Variants in PLGLB1 observed in about 807,000 individuals in gnomAD.
PLGLB1 encodes plasminogen like B1, also known as plasminogen-like protein B.
intron 1 of PLGLB1, chr2:87,018,362 G>A (rs1423132405): frequency 1.5e-5 from 1 of 64,544 alleles, no homozygotes; most frequent in Non-Finnish European, 2.8e-5. Context: ...TACAATATGC[G>A]CTTTGGTTCT....
chr2:87,013,443 A>G (rs1682271037), intron 3 of PLGLB1: 1 of 157,454 alleles, frequency 6.4e-6, no homozygotes, highest in Non-Finnish European at 1.2e-5. Context: ...GTTACAGGAA[A>G]TATTCAAGTA....
In PLGLB1 at chr2:87,011,027, T is replaced by C. The variant is rs1194439903; in HGVS notation, c.*2094A>G. On this transcript the variant is annotated 3_prime_UTR_variant, in exon 4 of 4. Transcript: ENST00000355705. ...CTGTGGGAAGGGGCTTTACAACAAA[T>C]TATTTTACAGGTGAAGGGCAGAAAT... 9.4e-6 allele frequency: 2 copies of C among 211,672 alleles called. 1 individual carries two copies. The highest frequency in any genetic ancestry group is 1.6e-5 in the Non-Finnish European group (2 of 124,576). 13.1% of individuals were successfully genotyped at this position (211,672 alleles called of 1,614,324 possible).
chr2:87,017,271 ACTG>A (rs1407885877), intron 2 of PLGLB1, among the ~76,000 whole-genome samples: 2 of 91,440 alleles, frequency 2.2e-5, no homozygotes, highest in Non-Finnish European at 4.8e-5. Flanking sequence ...ACAAACATTT[ACTG>A]ATGATGATGT....
chr2:87,017,098 G>T (rs544291030), intron 2 of PLGLB1, among the ~76,000 whole-genome samples: 31 of 144,924 alleles, frequency 2.1e-4, no homozygotes, highest in African/African-American at 7.7e-4. Context: ...TTCTGGATCT[G>T]GGTAGAACAT....
chr2:87,011,433 CAGAG>C lies in PLGLB1; in HGVS notation c.*1684_*1687del, dbSNP rs1231258345. On this transcript the variant is annotated 3_prime_UTR_variant, in exon 4 of 4. Transcript: ENST00000355705. ...GCTACTGTGACAGCCAAGTCTTAGACAGAGAGCCAAAATATTTTTATTGCACAGT... is the reference window on the plus strand; with the variant it reads ...GCTACTGTGACAGCCAAGTCTTAGACAGCCAAAATATTTTTATTGCACAGT... Among the ~76,000 whole-genome samples the C allele has an allele frequency of 8.4e-5, 2 of 23,816 alleles. 1 individual carries two copies. The highest frequency in any genetic ancestry group is 1.5e-4 in the Non-Finnish European group (2 of 13,296). The allele number at this position is 23,816 out of a possible 152,430, so 15.6% of individuals were successfully genotyped here.
At chr2:87,019,363 G>A (rs1419350399) in intron 1 of PLGLB1, among the ~76,000 whole-genome samples, 868 of 117,154 alleles carry the variant, frequency 7.4e-3, no homozygotes, top group African/African-American at 0.015. Flanking sequence ...AAGACATTCC[G>A]GGCTGGAAAA....
rs771055052 is a variant in PLGLB1, at chr2:87,011,709, T to TAAAACAAAAC, written c.*1402_*1411dup. The stretch of plus-strand genomic sequence containing the variant: ...CAGATGAGAAGACTGAGTGGCAACG[T>TAAAACAAAAC]AAAACAAAACAAAACAAAACTTGCC... On this transcript the variant is annotated 3_prime_UTR_variant, in exon 4 of 4. Transcript: ENST00000355705. 1.0e-4 allele frequency among the ~76,000 whole-genome samples: 11 copies of TAAAACAAAAC among 106,888 alleles called. 3 individuals carry two copies. Among genetic ancestry groups the TAAAACAAAAC allele is most frequent in the Non-Finnish European group, 1.8e-4 (9 of 49,332 alleles). 70.1% of individuals were successfully genotyped at this position (106,888 alleles called of 152,430 possible).
At position 87,011,641 on chromosome 2, in the gene PLGLB1, AT is replaced by A. The variant is rs1473240245; in HGVS notation, c.*1479del. 6.1e-5 allele frequency among the ~76,000 whole-genome samples: 3 copies of A among 49,530 alleles called. 1 individual carries two copies. The highest frequency in any genetic ancestry group is 1.2e-4 in the Non-Finnish European group (3 of 24,990). 32.5% of individuals were successfully genotyped at this position (49,530 alleles called of 152,430 possible). On this transcript the variant is annotated 3_prime_UTR_variant, in exon 4 of 4. Transcript: ENST00000355705. ...CCACACATTCTCTCTTTTAGTCCTA[AT>A]AAAAAAAACCATTTGAGGAAGGTGT...
At chr2:87,013,617 A>G (rs1449251098) in intron 3 of PLGLB1, 1 of 22,248 alleles carries the variant, frequency 4.5e-5, no homozygotes, top group Non-Finnish European at 7.3e-5. Context: ...TCCCAGTGAT[A>G]TGAAAAAGTG....
chr2:87,019,741 T>C lies in PLGLB1; in HGVS notation c.49+1994A>G, dbSNP rs181078395. 2.0e-5 allele frequency among the ~76,000 whole-genome samples: 2 copies of C among 101,420 alleles called. 1 individual carries two copies. The highest frequency in any genetic ancestry group is 7.4e-4 in the East Asian group (2 of 2,712). 66.5% of individuals were successfully genotyped at this position (101,420 alleles called of 152,430 possible). A position where few individuals can be genotyped will look rare whatever the true frequency, so the allele number is the denominator to read the frequency against. On this transcript the variant is annotated intron_variant, in intron 1 of 3. Coordinates refer to ENST00000355705, the MANE Select transcript of PLGLB1 (RefSeq NM_001032392.4). Reference sequence around the variant, plus strand: ...AGTTCTCTGTGTCATGTTATTATACTTCATAGCACATCGCTGCTGAGATCC... The same window carrying C: ...AGTTCTCTGTGTCATGTTATTATACCTCATAGCACATCGCTGCTGAGATCC...
At position 87,013,415 on chromosome 2, in the gene PLGLB1, G is replaced by C. The variant is rs371201886; in HGVS notation, c.*2-296C>G. ...TGGCCATCATAGAGCTCACATTCTA[G>C]TGGAATCAGACAGGGGGGTTACAGG... On this transcript the variant is annotated intron_variant, in intron 3 of 3. Coordinates refer to ENST00000355705, the MANE Select transcript of PLGLB1 (RefSeq NM_001032392.4). The C allele has an allele frequency of 5.7e-5, 8 of 140,094 alleles. No individual in the cohort carries two copies. The East Asian group carries it at 8.8e-4, about 15-fold the overall frequency. The allele number at this position is 140,094 out of a possible 1,614,324, so 8.7% of individuals were successfully genotyped here. A position where few individuals can be genotyped will look rare whatever the true frequency, so the allele number is the denominator to read the frequency against.
chr2:87,019,704 C>T (rs1452455087), intron 1 of PLGLB1, among the ~76,000 whole-genome samples: 1 of 99,974 alleles, frequency 1.0e-5, no homozygotes, highest in Non-Finnish European at 1.9e-5. Context: ...CATTTATTTC[C>T]CCCTTCAATT....
rs1324395893 is a variant in PLGLB1 at position 87,021,042 on chromosome 2, G to A, written c.49+693C>T. On this transcript the variant is annotated intron_variant, in intron 1 of 3. Coordinates refer to ENST00000355705, the MANE Select transcript of PLGLB1 (RefSeq NM_001032392.4). ...GAATATGCTACCCTACCTATACCGC[G>A]AGCTAAATAAGCTAGTATTTGTAAA... 3.3e-5 allele frequency among the ~76,000 whole-genome samples: 5 copies of A among 150,680 alleles called. No individual in the cohort carries two copies. The South Asian group carries it at 8.4e-4, about 25-fold the overall frequency.
intron 3 of PLGLB1, chr2:87,013,380 G>A (rs1328024595): frequency 3.7e-5 from 5 of 133,430 alleles, no homozygotes; most frequent in Non-Finnish European, 6.8e-5. Context: ...GCACAGTGCA[G>A]CCAGAGGCTT....
At chr2:87,019,064 C>T (rs3789056) in intron 1 of PLGLB1, among the ~76,000 whole-genome samples, 4 of 108,784 alleles carry the variant, frequency 3.7e-5, no homozygotes, top group African/African-American at 1.4e-4. Context: ...GCAGTGGAGG[C>T]GGCAGCGGGA....
intron 1 of PLGLB1, among the ~76,000 whole-genome samples, chr2:87,020,638 CG>C (rs1558821712): frequency 9.7e-6 from 1 of 103,268 alleles, no homozygotes; most frequent in African/African-American, 5.1e-5. Context: ...AGCTGCAGAT[CG>C]GGGGTAACAG....
Position 87,019,869 on chromosome 2 carries a change from C to T in PLGLB1, c.49+1866G>A, listed in dbSNP as rs1258835140. Among the ~76,000 whole-genome samples the T allele has an allele frequency of 2.5e-5, 2 of 80,766 alleles. 1 individual carries two copies. The highest frequency in any genetic ancestry group is 2.1e-4 in the Admixed American group (2 of 9,540). 53.0% of individuals were successfully genotyped at this position (80,766 alleles called of 152,430 possible). ...CCCATTTTTTTTTTCTCTTATTCAC[C>T]TCTAGGACTCATATGGCAATAGGAT... On this transcript the variant is annotated intron_variant, in intron 1 of 3. Coordinates refer to ENST00000355705, the MANE Select transcript of PLGLB1 (RefSeq NM_001032392.4).
intron 1 of PLGLB1, among the ~76,000 whole-genome samples, chr2:87,021,144 AAGTG>A (rs1172915601): frequency 5.6e-5 from 6 of 106,900 alleles, no homozygotes; most frequent in Admixed American, 5.3e-4. Context: ...CCCAAGCACT[AAGTG>A]AGTATTTGTT....
At position 87,010,978 on chromosome 2, in the gene PLGLB1, G is replaced by A. The variant is rs1573657872; in HGVS notation, c.*2143C>T. On this transcript the variant is annotated 3_prime_UTR_variant, in exon 4 of 4. Transcript: ENST00000355705. ...TTGCTCCTTTCCGAGAGGTGAACACGTTACGCAATTATTAATAATATCCCT... is the reference window on the plus strand; with the variant it reads ...TTGCTCCTTTCCGAGAGGTGAACACATTACGCAATTATTAATAATATCCCT... Among the ~76,000 whole-genome samples the A allele has an allele frequency of 1.2e-5, 1 of 84,564 alleles. No individual in the cohort carries two copies. The highest frequency in any genetic ancestry group is 7.0e-5 in the African/African-American group (1 of 14,338). 55.5% of individuals were successfully genotyped at this position (84,564 alleles called of 152,430 possible).
Sources: gnomAD v4.1 joint callset for allele counts (sites outside exome capture counted in the v4.1 genomes callset) on GRCh38, gnomAD v4.1.1 for gene constraint, MANE v1.5 for transcripts, NCBI Gene and HGNC (gene_info 2026-07-23, HGNC 2026-07-21) for gene names.